EFNA5: variants seen among roughly 807,000 people sequenced by gnomAD.
EFNA5 encodes the protein ephrin A5.
A neutral mutation model predicts 22.9 loss-of-function variants in EFNA5; 5 were observed. That is an observed-to-expected ratio of 0.22 (90% CI 0.11 to 0.46). The LOEUF (loss-of-function observed/expected upper bound fraction) is 0.46, where lower values mean the gene tolerates loss of function less well. EFNA5 is among the 20% of genes least tolerant of loss of function. The pLI, the probability that EFNA5 is intolerant of heterozygous loss-of-function variation, is 0.99. For synonymous variants in EFNA5, 113 were observed against 112.2 expected, an observed-to-expected ratio of 1.01 and a Z score of -0.04; for missense variants, 237 against 293.3, an observed-to-expected ratio of 0.81 and a Z score of 1.40.
intron 1 of EFNA5, among the ~76,000 whole-genome samples, chr5:107,561,111 T>C (rs1748532730): frequency 6.6e-6 from 1 of 152,126 alleles, no homozygotes; most frequent in Admixed American, 6.5e-5. Context: ...TCTACCTCTT[T>C]ACAGGCCTGA....
chr5:107,514,656 T>C (rs1747438974), intron 1 of EFNA5, among the ~76,000 whole-genome samples: 1 of 152,140 alleles, frequency 6.6e-6, no homozygotes, highest in Non-Finnish European at 1.5e-5. Flanking sequence ...CTTTTTATTG[T>C]CAAGCAAATA....
intron 1 of EFNA5, among the ~76,000 whole-genome samples, chr5:107,514,186 A>T (rs1399654033): frequency 2.0e-5 from 3 of 152,188 alleles, no homozygotes; most frequent in Non-Finnish European, 2.9e-5. Flanking sequence ...CAAGTTATGA[A>T]GCATCCCTGA....
intron 1 of EFNA5, among the ~76,000 whole-genome samples, chr5:107,509,522 G>A (rs532222842): frequency 2.7e-5 from 4 of 148,172 alleles, no homozygotes; most frequent in East Asian, 2.0e-4. Context: ...TAGTGGAGAC[G>A]GAGTTTCACC....
At chr5:107,535,839 G>A (rs562467019) in intron 1 of EFNA5, among the ~76,000 whole-genome samples, 2 of 152,260 alleles carry the variant, frequency 1.3e-5, no homozygotes, top group Non-Finnish European at 2.9e-5. Context: ...CATCAATACT[G>A]TGTGCAGGGT....
intron 1 of EFNA5, among the ~76,000 whole-genome samples, chr5:107,430,965 A>G (rs1219779231): frequency 6.6e-6 from 1 of 151,922 alleles, no homozygotes; most frequent in Non-Finnish European, 1.5e-5. Flanking sequence ...TAGTAGAGAC[A>G]GGGTTTCACC....
chr5:107,596,573 T>C (rs1359522058), intron 1 of EFNA5, among the ~76,000 whole-genome samples: 1 of 152,174 alleles, frequency 6.6e-6, no homozygotes, highest in Non-Finnish European at 1.5e-5. Flanking sequence ...TGTAATGAAA[T>C]GGATGTGCTA....
intron 1 of EFNA5, among the ~76,000 whole-genome samples, chr5:107,604,277 T>C (rs1355684610): frequency 6.6e-6 from 1 of 152,058 alleles, no homozygotes; most frequent in East Asian, 1.9e-4. Context: ...ACTCCTGGGC[T>C]CAAGCAATCG....
intron 1 of EFNA5, among the ~76,000 whole-genome samples, chr5:107,602,697 C>G (rs1416468463): frequency 6.6e-6 from 1 of 152,112 alleles, no homozygotes; most frequent in African/African-American, 2.4e-5. Context: ...CTGGATTCAA[C>G]TAGAAATCCT....
rs150996400 is a variant in EFNA5 at position 107,448,881 on chromosome 5, A to G, written c.126-21372T>C. ...AATAAATAAATAAATAAAATAAAAT[A>G]AAAACAAAAATAATCCCCAACATTT... is the stretch of plus-strand genomic sequence containing the variant. On this transcript the variant is annotated intron_variant, in intron 1 of 4. Transcript: ENST00000333274. Among the ~76,000 whole-genome samples the G allele has an allele frequency of 2.0e-3, 296 of 151,358 alleles. 1 individual carries two copies. Among genetic ancestry groups the G allele is most frequent in the African/African-American group, 6.4e-3 (265 of 41,276 alleles).
chr5:107,483,537 A>G (rs1369209120), intron 1 of EFNA5, among the ~76,000 whole-genome samples: 1 of 152,232 alleles, frequency 6.6e-6, no homozygotes, highest in African/African-American at 2.4e-5. Flanking sequence ...CAGTATTTTT[A>G]TAGCCTACTA....
rs565982711 is a variant in EFNA5 at position 107,644,345 on chromosome 5, A to C, written c.125+26144T>G. ...CAGAAAAACTTTAGTGTTTACTTAA[A>C]AAATGAGGAAAAAAAAGAATCATTA... On this transcript the variant is annotated intron_variant, in intron 1 of 4. Coordinates refer to ENST00000333274, the MANE Select transcript of EFNA5 (RefSeq NM_001962.3). 8.5e-5 allele frequency among the ~76,000 whole-genome samples: 13 copies of C among 152,336 alleles called. No homozygotes were observed. The South Asian group carries it at 2.5e-3, about 29-fold the overall frequency.
intron 1 of EFNA5, among the ~76,000 whole-genome samples, chr5:107,471,049 A>G (rs909777042): frequency 3.9e-5 from 6 of 152,156 alleles, no homozygotes; most frequent in Admixed American, 6.6e-5. Flanking sequence ...TGCAATTAGT[A>G]TAATTACCTT....
At chr5:107,450,269 A>G (rs1326099905) in intron 1 of EFNA5, among the ~76,000 whole-genome samples, 1 of 152,094 alleles carries the variant, frequency 6.6e-6, no homozygotes, top group Non-Finnish European at 1.5e-5. Context: ...TTTGTTTAGG[A>G]TTCCAAAGGC....
In EFNA5 at chr5:107,592,008, T is replaced by TATATAATATATATAATATATA. The variant is rs1749371849; in HGVS notation, c.125+78480_125+78481insTATATATTATATATATTATAT. Among the ~76,000 whole-genome samples the TATATAATATATATAATATATA allele has an allele frequency of 3.9e-5, 2 of 51,320 alleles. 1 individual carries two copies. The highest frequency in any genetic ancestry group is 2.5e-4 in the African/African-American group (2 of 7,972). The allele number at this position is 51,320 out of a possible 152,430, so 33.7% of individuals were successfully genotyped here. ...AATATATAATATATATAATATATAA[T>TATATAATATATATAATATATA]ATATATAATATAATATATATTATAT... On this transcript the variant is annotated intron_variant, in intron 1 of 4. Coordinates refer to ENST00000333274, the MANE Select transcript of EFNA5 (RefSeq NM_001962.3).
At chr5:107,524,993 C>T (rs1747666251) in intron 1 of EFNA5, among the ~76,000 whole-genome samples, 1 of 152,148 alleles carries the variant, frequency 6.6e-6, no homozygotes. Context: ...ACACAAACTG[C>T]ACTTCTGATT....
chr5:107,457,135 T>G (rs1034964968), intron 1 of EFNA5, among the ~76,000 whole-genome samples: 1 of 152,204 alleles, frequency 6.6e-6, no homozygotes, highest in Non-Finnish European at 1.5e-5. Context: ...AGGCCCCTTT[T>G]GTCATTTTTA....
chr5:107,655,489 C>A (rs1750802676), intron 1 of EFNA5, among the ~76,000 whole-genome samples: 2 of 152,152 alleles, frequency 1.3e-5, no homozygotes, highest in East Asian at 3.9e-4. Context: ...TTATGTTAGA[C>A]CCAGTATTTT....
At chr5:107,565,134 C>T (rs1748637444) in intron 1 of EFNA5, among the ~76,000 whole-genome samples, 1 of 152,182 alleles carries the variant, frequency 6.6e-6, no homozygotes, top group Admixed American at 6.5e-5. Context: ...ACTGAAAAAC[C>T]TTCTGTGGTT....
intron 1 of EFNA5, among the ~76,000 whole-genome samples, chr5:107,462,723 C>G (rs993037903): frequency 6.6e-6 from 1 of 152,144 alleles, no homozygotes; most frequent in African/African-American, 2.4e-5. Context: ...AATGCCTGTT[C>G]CCCAAGATGG....
Sources: gnomAD v4.1 joint callset for allele counts (sites outside exome capture counted in the v4.1 genomes callset) on GRCh38, gnomAD v4.1.1 for gene constraint, MANE v1.5 for transcripts, NCBI Gene and HGNC (gene_info 2026-07-23, HGNC 2026-07-21) for gene names.